The following FIRRM variants were observed in gnomAD, a reference collection of about 807,000 sequenced individuals.
FIRRM encodes FIGNL1 interacting regulator of recombination and mitosis.
chr1:169,822,146 A>AT, the FIRRM span, among the ~76,000 whole-genome samples: 1 of 152,182 alleles, frequency 6.6e-6, no homozygotes, highest in Non-Finnish European at 1.5e-5. Flanking sequence ...GTCAAGTGCC[A>AT]TTGGTACATT....
chr1:169,791,016 C>T, the FIRRM span, among the ~76,000 whole-genome samples: 173 of 152,346 alleles, frequency 1.1e-3, 2 homozygotes, highest in African/African-American at 3.9e-3. Context: ...AGATCCCTCA[C>T]ACATGCAGTT....
chr1:169,842,537 C>T, the FIRRM span: 1 of 1,613,098 alleles, frequency 6.2e-7, no homozygotes, highest in South Asian at 1.1e-5. Flanking sequence ...AAACATTAAA[C>T]AGGTAAGGAA....
chr1:169,841,050 A>G, the FIRRM span, among the ~76,000 whole-genome samples: 1 of 152,130 alleles, frequency 6.6e-6, no homozygotes, highest in Non-Finnish European at 1.5e-5. Context: ...GAATGCCTCC[A>G]GTTTTTGCCT....
chr1:169,832,877 T>A, the FIRRM span, among the ~76,000 whole-genome samples: 2 of 152,292 alleles, frequency 1.3e-5, no homozygotes, highest in Admixed American at 1.3e-4. Flanking sequence ...GTGCTGAGAT[T>A]GCAGGTGTGA....
the FIRRM span, among the ~76,000 whole-genome samples, chr1:169,804,609 A>T: frequency 1.3e-5 from 2 of 152,246 alleles, no homozygotes; most frequent in Non-Finnish European, 2.9e-5. Flanking sequence ...GTATGTAAAT[A>T]TGTCTATTCT....
chr1:169,803,840 C>T, the FIRRM span, among the ~76,000 whole-genome samples: 813 of 152,196 alleles, frequency 5.3e-3, 6 homozygotes, highest in South Asian at 0.013. Flanking sequence ...ATGTCACGCA[C>T]CTGGCCTAAT....
the FIRRM span, chr1:169,825,969 A>C: frequency 6.3e-6 from 1 of 157,874 alleles, no homozygotes; most frequent in Non-Finnish European, 1.4e-5. Flanking sequence ...TAATCTTTCC[A>C]TTCTTCAGTG....
chr1:169,827,793 G>A, the FIRRM span: 7 of 1,613,982 alleles, frequency 4.3e-6, no homozygotes, highest in Admixed American at 1.7e-5. Flanking sequence ...CTAAGGAAGT[G>A]CAAACCCTGT....
the FIRRM span, among the ~76,000 whole-genome samples, chr1:169,848,026 AG>A: frequency 1.2e-4 from 18 of 152,166 alleles, no homozygotes; most frequent in Non-Finnish European, 2.4e-4. Flanking sequence ...ACAAATAATT[AG>A]TTGGCTGTAG....
chr1:169,828,553 T>G, the FIRRM span, among the ~76,000 whole-genome samples: 28 of 147,586 alleles, frequency 1.9e-4, no homozygotes, highest in East Asian at 5.9e-4. Context: ...TTTTGTTTTG[T>G]TTTTTTTTTG....
chr1:169,785,077 GC>G, the FIRRM span, among the ~76,000 whole-genome samples: 4 of 152,206 alleles, frequency 2.6e-5, no homozygotes, highest in Non-Finnish European at 4.4e-5. Context: ...TTACAAAAAT[GC>G]CCCAGAGAAA....
the FIRRM span, chr1:169,793,259 A>C: frequency 6.2e-7 from 1 of 1,614,102 alleles, no homozygotes; most frequent in South Asian, 1.1e-5. Context: ...TTTTGAAACT[A>C]TGTTTTCTCC....
the FIRRM span, among the ~76,000 whole-genome samples, chr1:169,785,833 T>A: frequency 1.3e-5 from 2 of 152,336 alleles, no homozygotes; most frequent in East Asian, 1.9e-4. Flanking sequence ...TGCATATCAA[T>A]GTAATCAAAT....
chr1:169,799,006 C>A, the FIRRM span: 1 of 742,918 alleles, frequency 1.3e-6, no homozygotes, highest in Non-Finnish European at 2.2e-6. Flanking sequence ...TGTTAAGGTC[C>A]GAGTCCCCAC....
At chr1:169,810,109 T>C in the FIRRM span, among the ~76,000 whole-genome samples, 1 of 152,176 alleles carries the variant, frequency 6.6e-6, no homozygotes, top group Non-Finnish European at 1.5e-5. Context: ...CAACCTCTTT[T>C]ATAAGGGCAC....
chr1:169,833,827 C>T, the FIRRM span, among the ~76,000 whole-genome samples: 1 of 138,810 alleles, frequency 7.2e-6, no homozygotes, highest in Non-Finnish European at 1.5e-5. Context: ...TGTCATAAGA[C>T]TTTAAGAAAG....
chr1:169,810,156 A>G, the FIRRM span, among the ~76,000 whole-genome samples: 1 of 152,136 alleles, frequency 6.6e-6, no homozygotes, highest in East Asian at 1.9e-4. Context: ...TCATGACTTA[A>G]TCACTTCCCC....
the FIRRM span, chr1:169,849,670 C>A: frequency 7.8e-7 from 1 of 1,281,174 alleles, no homozygotes; most frequent in Non-Finnish European, 1.1e-6. Context: ...TATTCCAGAA[C>A]AATCCCAAAA....
chr1:169,834,819 A>C, the FIRRM span, among the ~76,000 whole-genome samples: 1 of 152,176 alleles, frequency 6.6e-6, no homozygotes, highest in Non-Finnish European at 1.5e-5. Context: ...ATGATATCTT[A>C]AGGAACATAA....
Sources: gnomAD v4.1 joint callset for allele counts (sites outside exome capture counted in the v4.1 genomes callset) on GRCh38, gnomAD v4.1.1 for gene constraint, MANE v1.5 for transcripts, NCBI Gene and HGNC (gene_info 2026-07-23, HGNC 2026-07-21) for gene names.